Variants in SGCG observed in about 807,000 individuals in gnomAD.
The protein encoded by SGCG is gamma-sarcoglycan.
In SGCG, 26 loss-of-function variants were observed where a neutral mutation model predicts 29.3. The observed-to-expected ratio is 0.89, with a 90% CI of 0.65 to 1.23. The LOEUF is 1.23. SGCG is among the 50% of genes most tolerant of loss of function. The pLI, the probability that SGCG is intolerant of heterozygous loss-of-function variation, is 0.00. For missense variants in SGCG, 353 were observed against 356.0 expected, an observed-to-expected ratio of 0.99 and a Z score of 0.07; for synonymous variants, 145 against 129.7, an observed-to-expected ratio of 1.12 and a Z score of -0.80.
At chr13:23,198,998 C>T (rs1307726329) in intron 1 of SGCG, among the ~76,000 whole-genome samples, 4 of 151,792 alleles carry the variant, frequency 2.6e-5, no homozygotes, top group African/African-American at 9.7e-5. Context: ...GTCCCAGCTA[C>T]TCAGGAGGCT....
intron 4 of SGCG, among the ~76,000 whole-genome samples, chr13:23,257,664 G>A (rs543065669): frequency 8.9e-4 from 136 of 152,232 alleles, no homozygotes; most frequent in Non-Finnish European, 1.7e-3. Flanking sequence ...TTCTTCTAGG[G>A]TTTTTATGGT....
intron 4 of SGCG, among the ~76,000 whole-genome samples, chr13:23,270,586 C>T (rs989694861): frequency 2.6e-5 from 4 of 151,972 alleles, no homozygotes; most frequent in African/African-American, 9.7e-5. Flanking sequence ...AACTTTCTGC[C>T]CAGGGTATAT....
At chr13:23,288,326 G>A (rs9510676) in intron 5 of SGCG, among the ~76,000 whole-genome samples, 1 of 151,888 alleles carries the variant, frequency 6.6e-6, no homozygotes, top group African/African-American at 2.4e-5. Context: ...GCAGCCCATA[G>A]CTCTGGTGAA....
At chr13:23,321,301 G>C (rs1000715894) in intron 7 of SGCG, among the ~76,000 whole-genome samples, 4 of 152,096 alleles carry the variant, frequency 2.6e-5, no homozygotes, top group Non-Finnish European at 5.9e-5. Context: ...CAGGGGATTT[G>C]TTCCAAGACC....
At chr13:23,282,620 A>G (rs1432193522) in intron 5 of SGCG, among the ~76,000 whole-genome samples, 5 of 152,214 alleles carry the variant, frequency 3.3e-5, no homozygotes, top group Admixed American at 3.3e-4. Context: ...GCTAAGGATA[A>G]TAGTCTCCAG....
intron 2 of SGCG, among the ~76,000 whole-genome samples, chr13:23,224,477 C>T (rs779940668): frequency 1.3e-5 from 2 of 152,104 alleles, no homozygotes; most frequent in Non-Finnish European, 2.9e-5. Context: ...ACGCATAATA[C>T]AGAGAGGAGG....
At position 23,257,955 on chromosome 13, in the gene SGCG, T is replaced by C. The variant is rs1294045523; in HGVS notation, c.385+7238T>C. 1.3e-5 allele frequency among the ~76,000 whole-genome samples: 2 copies of C among 152,196 alleles called. 1 individual carries two copies. The highest frequency in any genetic ancestry group is 2.9e-5 in the Non-Finnish European group (2 of 68,022). On this transcript the variant is annotated intron_variant, in intron 4 of 7. Coordinates refer to ENST00000218867, the MANE Select transcript of SGCG (RefSeq NM_000231.3). ...TGCTGTTTTGGTTACTGTAGCCTTG[T>C]AGTATAGTTTGAAGTCAGGTAGGGT...
chr13:23,314,585 G>A (rs566560171), intron 6 of SGCG, among the ~76,000 whole-genome samples: 3 of 151,160 alleles, frequency 2.0e-5, no homozygotes, highest in African/African-American at 7.3e-5. Flanking sequence ...ATCACTTTTC[G>A]CTCCCACAAG....
At chr13:23,302,981 C>T (rs936360986) in intron 6 of SGCG, among the ~76,000 whole-genome samples, 6 of 152,244 alleles carry the variant, frequency 3.9e-5, no homozygotes, top group African/African-American at 1.2e-4. Flanking sequence ...TGACTATCGG[C>T]GACAATTCAT....
At chr13:23,174,548 G>T in the SGCG span, among the ~76,000 whole-genome samples, 12 of 152,182 alleles carry the variant, frequency 7.9e-5, no homozygotes, top group African/African-American at 2.9e-4. Context: ...AAAGTCAGGA[G>T]ACAACTAAGA....
chr13:23,258,390 T>C (rs1211491943), intron 4 of SGCG, among the ~76,000 whole-genome samples: 1 of 141,994 alleles, frequency 7.0e-6, no homozygotes, highest in South Asian at 2.1e-4. Flanking sequence ...TTTTGGCACA[T>C]TGATTTTGTA....
At chr13:23,231,885 G>A (rs996060471) in intron 2 of SGCG, among the ~76,000 whole-genome samples, 34 of 152,220 alleles carry the variant, frequency 2.2e-4, no homozygotes, top group Admixed American at 2.2e-3. Context: ...TTGGGAAGCT[G>A]AGGTGGGCAG....
chr13:23,161,980 G>T, the SGCG span, among the ~76,000 whole-genome samples: 1 of 152,210 alleles, frequency 6.6e-6, no homozygotes, highest in South Asian at 2.1e-4. Context: ...CAGAAAAAAG[G>T]TAGTGATAAA....
intron 2 of SGCG, among the ~76,000 whole-genome samples, chr13:23,204,728 C>T (rs1321180231): frequency 2.6e-5 from 3 of 117,006 alleles, no homozygotes; most frequent in East Asian, 2.7e-4. Context: ...TTTTTTGAGA[C>T]GGAGTCTCAC....
chr13:23,279,221 C>A, intron 4 of SGCG, 138 bp from the exon 5 acceptor site: 2 of 743,760 alleles, frequency 2.7e-6, no homozygotes, highest in Non-Finnish European at 2.2e-6. Context: ...ATCACAGAAT[C>A]AATCAATACC....
At chr13:23,210,432 C>T (rs1878148364) in intron 2 of SGCG, among the ~76,000 whole-genome samples, 1 of 152,090 alleles carries the variant, frequency 6.6e-6, no homozygotes, top group Non-Finnish European at 1.5e-5. Context: ...TGGCTCATTC[C>T]TGTAATCCCA....
chr13:23,183,336 T>C (rs904735448), intron 1 of SGCG, among the ~76,000 whole-genome samples: 6 of 152,150 alleles, frequency 3.9e-5, no homozygotes, highest in Non-Finnish European at 7.3e-5. Flanking sequence ...AAAATGACGG[T>C]AACTGGTCAG....
intron 5 of SGCG, among the ~76,000 whole-genome samples, chr13:23,292,728 A>G (rs1350472680): frequency 1.3e-5 from 2 of 152,328 alleles, no homozygotes; most frequent in Middle Eastern, 3.4e-3. Flanking sequence ...TTTTGTTTTT[A>G]TATCTTAGTT....
intron 4 of SGCG, among the ~76,000 whole-genome samples, chr13:23,270,754 C>A (rs778894191): frequency 8.5e-5 from 13 of 152,158 alleles, no homozygotes; most frequent in Non-Finnish European, 1.6e-4. Flanking sequence ...GCTTGAAAGA[C>A]TTCCTTGTAC....
Sources: gnomAD v4.1 joint callset for allele counts (sites outside exome capture counted in the v4.1 genomes callset) on GRCh38, gnomAD v4.1.1 for gene constraint, MANE v1.5 for transcripts, NCBI Gene and HGNC (gene_info 2026-07-23, HGNC 2026-07-21) for gene names.